NRG1: variants seen among roughly 807,000 people sequenced by gnomAD.
NRG1 encodes neuregulin 1.
A neutral mutation model predicts 63.8 loss-of-function variants in NRG1; 18 were observed. That is an observed-to-expected ratio of 0.28 (90% CI 0.19 to 0.42). The LOEUF (loss-of-function observed/expected upper bound fraction) is 0.42, where lower values mean the gene tolerates loss of function less well. Ranked by LOEUF, NRG1 falls within the 10% of genes least tolerant of loss-of-function variation. NRG1 has a pLI of 1.00. For missense variants in NRG1, 762 were observed against 814.7 expected (o/e 0.94, Z 0.79); for synonymous variants, 302 against 301.3 (o/e 1.00, Z -0.02).
chr8:32,126,003 CT>C (rs1208103066), intron 1 of NRG1, among the ~76,000 whole-genome samples: 1 of 151,814 alleles, frequency 6.6e-6, no homozygotes, highest in Non-Finnish European at 1.5e-5. Context: ...CCTGGATATA[CT>C]TCTAGTATGG....
chr8:31,719,022 T>A (rs1020564207), intron 1 of NRG1, among the ~76,000 whole-genome samples: 1 of 152,212 alleles, frequency 6.6e-6, no homozygotes, highest in East Asian at 1.9e-4. Context: ...TGCATAATTG[T>A]CTTGAGAAAA....
chr8:32,187,510 T>A (rs775845364), intron 1 of NRG1, among the ~76,000 whole-genome samples: 4 of 152,158 alleles, frequency 2.6e-5, no homozygotes, highest in Non-Finnish European at 4.4e-5. Context: ...CAAAAGATGA[T>A]CCCTGGAGTC....
intron 1 of NRG1, among the ~76,000 whole-genome samples, chr8:31,764,166 T>G (rs1817830597): frequency 6.6e-6 from 1 of 152,158 alleles, no homozygotes; most frequent in Non-Finnish European, 1.5e-5. Flanking sequence ...CTCCTCATCT[T>G]GTTTTTAATC....
At chr8:32,554,915 T>G (rs1477505756) in intron 1 of NRG1, among the ~76,000 whole-genome samples, 1 of 147,114 alleles carries the variant, frequency 6.8e-6, no homozygotes, top group Non-Finnish European at 1.5e-5. Flanking sequence ...TGCTTTTTTC[T>G]TCTCTCTCTC....
chr8:31,922,477 C>T (rs371749365), intron 1 of NRG1, among the ~76,000 whole-genome samples: 7 of 152,120 alleles, frequency 4.6e-5, no homozygotes, highest in Non-Finnish European at 8.8e-5. Flanking sequence ...ACCTTTATCT[C>T]GCCATTAGCA....
At chr8:32,373,271 C>T (rs1297891938) in intron 1 of NRG1, among the ~76,000 whole-genome samples, 2 of 152,110 alleles carry the variant, frequency 1.3e-5, no homozygotes, top group African/African-American at 4.8e-5. Context: ...ATGGCAAAGA[C>T]CTGGTGTAAC....
chr8:32,552,821 G>C (rs1834397267), intron 1 of NRG1, among the ~76,000 whole-genome samples: 1 of 152,106 alleles, frequency 6.6e-6, no homozygotes, highest in Non-Finnish European at 1.5e-5. Context: ...TAATGAAAAA[G>C]AGGAGAAAAA....
In NRG1 at chr8:32,761,838, A is replaced by C. The variant is rs140203739; in HGVS notation, c.1259+1432A>C. Among the ~76,000 whole-genome samples the C allele has an allele frequency of 4.3e-4, 65 of 151,968 alleles. 2 individuals are homozygous for C. On this transcript the variant is annotated intron_variant, in intron 11 of 11. Coordinates refer to ENST00000356819, the Ensembl canonical transcript of NRG1. ...GGTAGATCACGAGGTCAGGAGATCA[A>C]GACCATCCTGGCCAACATGGTGAAA...
At chr8:32,136,477 A>G (rs1210503321) in intron 1 of NRG1, among the ~76,000 whole-genome samples, 1 of 152,128 alleles carries the variant, frequency 6.6e-6, no homozygotes, top group East Asian at 1.9e-4. Flanking sequence ...ATAGGCTAAA[A>G]TCTCAGATCC....
chr8:31,736,458 A>G (rs1563342917), intron 1 of NRG1, among the ~76,000 whole-genome samples: 2 of 152,140 alleles, frequency 1.3e-5, no homozygotes, highest in South Asian at 4.1e-4. Context: ...TAGAACAGTG[A>G]CGGACACATG....
chr8:31,641,460 TGAA>T (rs952931995), intron 1 of NRG1, among the ~76,000 whole-genome samples: 10 of 152,074 alleles, frequency 6.6e-5, no homozygotes, highest in Non-Finnish European at 1.2e-4. Flanking sequence ...ATGTAGGCCC[TGAA>T]GAAGAAGAAT....
intron 1 of NRG1, among the ~76,000 whole-genome samples, chr8:31,751,254 GA>G (rs1445771206): frequency 6.6e-6 from 1 of 152,026 alleles, no homozygotes; most frequent in Non-Finnish European, 1.5e-5. Flanking sequence ...TGGAAAAGCT[GA>G]AATTTGTAAA....
At chr8:32,374,543 G>A (rs943131105) in intron 1 of NRG1, among the ~76,000 whole-genome samples, 6 of 152,182 alleles carry the variant, frequency 3.9e-5, no homozygotes, top group Non-Finnish European at 5.9e-5. Flanking sequence ...GCTGTTGTTT[G>A]ACGAATAGCA....
intron 7 of NRG1, among the ~76,000 whole-genome samples, chr8:32,753,408 CATTTTGGGTGCAGTAGT>C (rs1338263393): frequency 6.6e-6 from 1 of 152,200 alleles, no homozygotes; most frequent in African/African-American, 2.4e-5. Flanking sequence ...AGACTGATCG[CATTTTGGGTGCAGTAGT>C]ATCTTTGGTT....
At chr8:32,508,290 G>A (rs897654802) in intron 1 of NRG1, among the ~76,000 whole-genome samples, 3 of 109,104 alleles carry the variant, frequency 2.7e-5, no homozygotes, top group Admixed American at 1.8e-4. Context: ...CACAATATAA[G>A]GGCCATTTTT....
intron 5 of NRG1, among the ~76,000 whole-genome samples, chr8:32,621,964 T>G (rs548533099): frequency 2.6e-5 from 4 of 152,326 alleles, no homozygotes; most frequent in African/African-American, 9.6e-5. Flanking sequence ...CCAAGTTTAT[T>G]GGGAGTATAT....
intron 5 of NRG1, among the ~76,000 whole-genome samples, chr8:32,642,044 G>A (rs935963464): frequency 5.9e-5 from 9 of 152,150 alleles, no homozygotes; most frequent in East Asian, 5.8e-4. Flanking sequence ...GTTGAGTTTC[G>A]CTAGATCAGG....
intron 1 of NRG1, among the ~76,000 whole-genome samples, chr8:32,478,262 T>A (rs901810864): frequency 1.1e-5 from 1 of 91,710 alleles, no homozygotes; most frequent in Non-Finnish European, 2.4e-5. Context: ...GCTTCTTCCA[T>A]GTGGGGGGGC....
At chr8:31,955,273 TTAGTG>T (rs1166436467) in intron 1 of NRG1, among the ~76,000 whole-genome samples, 1 of 152,102 alleles carries the variant, frequency 6.6e-6, no homozygotes, top group Non-Finnish European at 1.5e-5. Context: ...AAGTTGAAAA[TTAGTG>T]AATGAAATAG....
Sources: gnomAD v4.1 joint callset for allele counts (sites outside exome capture counted in the v4.1 genomes callset) on GRCh38, gnomAD v4.1.1 for gene constraint, MANE v1.5 for transcripts, NCBI Gene and HGNC (gene_info 2026-07-23, HGNC 2026-07-21) for gene names.